Variants in ZNF654 observed in about 807,000 individuals in gnomAD.
ZNF654 encodes the protein zinc finger protein 654, also known as melanoma-associated antigen.
A neutral mutation model predicts 95.3 loss-of-function variants in ZNF654; 19 were observed. That is an observed-to-expected ratio of 0.20 (90% CI 0.14 to 0.29). ZNF654 has a LOEUF of 0.29. Ranked by LOEUF, ZNF654 falls within the 10% of genes least tolerant of loss-of-function variation. The pLI, the probability that ZNF654 is intolerant of heterozygous loss-of-function variation, is 1.00. For synonymous variants in ZNF654, 413 were observed against 457.9 expected, an observed-to-expected ratio of 0.90 and a Z score of 1.25; for missense variants, 1,046 against 1,341.0, an observed-to-expected ratio of 0.78 and a Z score of 3.44.
At chr3:88,072,981 T>C (rs1707601511) in intron 1 of ZNF654, among the ~76,000 whole-genome samples, 1 of 148,714 alleles carries the variant, frequency 6.7e-6, no homozygotes, top group Non-Finnish European at 1.5e-5. Flanking sequence ...TTGTTAGTTT[T>C]AAAATGTAGG....
chr3:88,138,650 T>A (rs1706948551), intron 7 of ZNF654, 55 bp from the exon 8 acceptor site: 4 of 1,082,300 alleles, frequency 3.7e-6, no homozygotes, highest in Non-Finnish European at 4.7e-6. Flanking sequence ...GATAGACTAG[T>A]ATAACCATTT....
chr3:88,113,263 T>A (rs1576304983), intron 3 of ZNF654, 67 bp downstream of exon 3: 1 of 950,764 alleles, frequency 1.1e-6, no homozygotes, highest in Non-Finnish European at 1.6e-6. Context: ...TCCCCCTAAA[T>A]ATAGCTTATT....
At chr3:88,088,596 A>G (rs1315923565) in intron 2 of ZNF654, among the ~76,000 whole-genome samples, 1 of 152,212 alleles carries the variant, frequency 6.6e-6, no homozygotes. Flanking sequence ...ATGTAAAACA[A>G]AACCAAAGAG....
chr3:88,074,343 A>ATT (rs1707680670), intron 1 of ZNF654, among the ~76,000 whole-genome samples: 2 of 53,908 alleles, frequency 3.7e-5, no homozygotes, highest in Non-Finnish European at 9.7e-5. Flanking sequence ...TTTATATCTT[A>ATT]CTTTTTTTTT....
chr3:88,095,884 C>T, intron 2 of ZNF654: 1 of 434,930 alleles, frequency 2.3e-6, no homozygotes, highest in Non-Finnish European at 4.4e-6. Context: ...TGCCACTTAA[C>T]CACATGCCTG....
At chr3:88,130,977 C>G (rs1339377826) in intron 6 of ZNF654, among the ~76,000 whole-genome samples, 2 of 151,976 alleles carry the variant, frequency 1.3e-5, no homozygotes, top group East Asian at 3.9e-4. Context: ...ATACACACAC[C>G]TTTATATACA....
chr3:88,131,305 T>C (rs1416828807), intron 6 of ZNF654, among the ~76,000 whole-genome samples: 2 of 152,230 alleles, frequency 1.3e-5, no homozygotes, highest in East Asian at 3.8e-4. Context: ...TGAAATGTTG[T>C]TACACTGCGT....
At chr3:88,131,443 A>T (rs1422220498) in intron 6 of ZNF654, among the ~76,000 whole-genome samples, 5 of 152,216 alleles carry the variant, frequency 3.3e-5, no homozygotes, top group African/African-American at 1.2e-4. Context: ...GAGCTATATC[A>T]CACTATTTAA....
chr3:88,129,958 A>T (rs1453987154), intron 6 of ZNF654, 132 bp downstream of exon 6: 1 of 719,554 alleles, frequency 1.4e-6, no homozygotes, highest in East Asian at 2.9e-5. Flanking sequence ...TGTGCAAGGA[A>T]CAATAGTAGA....
At chr3:88,134,049 A>G (rs538014486) in intron 6 of ZNF654, among the ~76,000 whole-genome samples, 8 of 151,700 alleles carry the variant, frequency 5.3e-5, no homozygotes, top group Non-Finnish European at 1.2e-4. Context: ...AGTAAAAGCT[A>G]GAGATGTGGT....
intron 1 of ZNF654, among the ~76,000 whole-genome samples, chr3:88,070,374 G>A (rs560543216): frequency 1.3e-5 from 2 of 151,540 alleles, no homozygotes; most frequent in South Asian, 4.2e-4. Context: ...CAGTGTCCAC[G>A]TAATGATTGA....
At chr3:88,109,839 A>G (rs1359421812) in intron 2 of ZNF654, among the ~76,000 whole-genome samples, 1 of 152,182 alleles carries the variant, frequency 6.6e-6, no homozygotes, top group Non-Finnish European at 1.5e-5. Flanking sequence ...TTTATTGTAG[A>G]AACATATTAA....
intron 3 of ZNF654, among the ~76,000 whole-genome samples, chr3:88,119,385 TGGGGTGGGGGGAGG>T: frequency 1.2e-4 from 1 of 8,070 alleles, no homozygotes. Flanking sequence ...GGGACTGTTG[TGGGGTGGGGGGAGG>T]GGGGAGGGGG....
At chr3:88,107,011 G>A (rs1167059530) in intron 2 of ZNF654, among the ~76,000 whole-genome samples, 1 of 152,122 alleles carries the variant, frequency 6.6e-6, no homozygotes, top group East Asian at 1.9e-4. Flanking sequence ...TAATTATAGA[G>A]GCTTTACAAA....
chr3:88,087,159 A>G (rs1196826821), intron 2 of ZNF654, among the ~76,000 whole-genome samples: 6 of 151,902 alleles, frequency 3.9e-5, no homozygotes, highest in East Asian at 1.9e-4. Context: ...GTTCACCGCA[A>G]CCTCTACCTC....
intron 2 of ZNF654, among the ~76,000 whole-genome samples, chr3:88,110,177 G>C (rs1705004061): frequency 6.6e-6 from 1 of 152,214 alleles, no homozygotes; most frequent in East Asian, 1.9e-4. Flanking sequence ...TACTATTATT[G>C]TGTTTTATAA....
chr3:88,089,783 A>G (rs1328495992), intron 2 of ZNF654, among the ~76,000 whole-genome samples: 1 of 152,188 alleles, frequency 6.6e-6, no homozygotes, highest in East Asian at 1.9e-4. Context: ...TTATGTTCCT[A>G]CTGCTTAGAT....
Position 88,135,318 on chromosome 3 carries a change from G to T in ZNF654, c.1035+116G>T, listed in dbSNP as rs192070848. ...AAACTGAAGGAAAGGAGGATTTTAA[G>T]GCCACATTCTCCATACATTACATTC... On this transcript the variant is annotated intron_variant, in intron 7 of 8. Transcript: ENST00000636215. 5.3e-4 allele frequency: 436 copies of T among 823,240 alleles called. 2 individuals are homozygous for T. The highest frequency in any genetic ancestry group is 4.4e-5 in the Non-Finnish European group (26 of 587,464). The allele number at this position is 823,240 out of a possible 1,614,324, so 51.0% of individuals were successfully genotyped here.
At chr3:88,108,444 C>T (rs1369728103) in intron 2 of ZNF654, among the ~76,000 whole-genome samples, 6 of 152,180 alleles carry the variant, frequency 3.9e-5, no homozygotes, top group South Asian at 4.1e-4. Flanking sequence ...AGTCTCCCCT[C>T]ATCTGTGGAT....
Sources: gnomAD v4.1 joint callset for allele counts (sites outside exome capture counted in the v4.1 genomes callset) on GRCh38, gnomAD v4.1.1 for gene constraint, MANE v1.5 for transcripts, NCBI Gene and HGNC (gene_info 2026-07-23, HGNC 2026-07-21) for gene names.